Variants in SHISA9 observed in about 807,000 individuals in gnomAD.
SHISA9 encodes the protein protein shisa-9.
SHISA9 carries 13 observed loss-of-function variants against 38.0 expected under a neutral mutation model. That is an observed-to-expected ratio of 0.34 (90% CI 0.22 to 0.54). SHISA9 has a LOEUF of 0.54. Ranked by LOEUF, SHISA9 falls within the 20% of genes least tolerant of loss-of-function variation. The pLI is 0.91. For missense variants in SHISA9, 538 were observed against 575.8 expected, an observed-to-expected ratio of 0.93 and a Z score of 0.67; for synonymous variants, 275 against 242.0, an observed-to-expected ratio of 1.14 and a Z score of -1.27.
At chr16:12,998,363 C>T (rs4781375) in intron 2 of SHISA9, among the ~76,000 whole-genome samples, 38,172 of 152,114 alleles carry the variant, frequency 0.25, 5,019 homozygotes, top group Middle Eastern at 0.34. Context: ...GTGTTCTTGG[C>T]TGGTAAACAG....
intron 2 of SHISA9, among the ~76,000 whole-genome samples, chr16:12,942,938 C>G (rs1052094817): frequency 2.0e-5 from 3 of 152,094 alleles, no homozygotes; most frequent in Admixed American, 2.0e-4. Flanking sequence ...ATGGCTCTAT[C>G]TCTAGATTTT....
At chr16:13,221,650 C>A (rs2051227175) in intron 4 of SHISA9, among the ~76,000 whole-genome samples, 1 of 152,134 alleles carries the variant, frequency 6.6e-6, no homozygotes, top group Non-Finnish European at 1.5e-5. Context: ...ACCTATCATA[C>A]AATTCACCCA....
chr16:13,045,758 CCCA>C (rs2073180584), intron 2 of SHISA9, among the ~76,000 whole-genome samples: 1 of 90,734 alleles, frequency 1.1e-5, no homozygotes, highest in Non-Finnish European at 2.8e-5. Flanking sequence ...GTCCCCTGCC[CCCA>C]CTGTGTCCCC....
At chr16:13,445,238 T>C in the SHISA9 span, among the ~76,000 whole-genome samples, 2 of 152,056 alleles carry the variant, frequency 1.3e-5, no homozygotes, top group African/African-American at 4.8e-5. Context: ...TATAAGTTTG[T>C]CAAGGCACCC....
chr16:13,260,008 T>TC, the SHISA9 span, among the ~76,000 whole-genome samples: 3 of 34,348 alleles, frequency 8.7e-5, no homozygotes, highest in Non-Finnish European at 1.3e-4. Flanking sequence ...TCTTTCTTTC[T>TC]TTTTTTTTTT....
chr16:13,281,341 G>A, the SHISA9 span, among the ~76,000 whole-genome samples: 1 of 151,612 alleles, frequency 6.6e-6, no homozygotes, highest in South Asian at 2.1e-4. Flanking sequence ...CTGCTTTCTT[G>A]TGCTTACTGT....
the SHISA9 span, among the ~76,000 whole-genome samples, chr16:13,490,727 C>T: frequency 6.6e-6 from 1 of 152,172 alleles, no homozygotes; most frequent in Admixed American, 6.5e-5. Flanking sequence ...TGTTCTGTGT[C>T]TTCTTCCCTT....
rs1377290412 is a variant in SHISA9, at chr16:13,141,598, C to T, written c.692-61796C>T. On this transcript the variant is annotated intron_variant, in intron 2 of 4. Transcript: ENST00000558583. ...ACTGGAGAGGCTGAGTCACGAGAATCGCTGAACCCAAGAGGTGGAGGTTGC... is the reference window on the plus strand; with the variant it reads ...ACTGGAGAGGCTGAGTCACGAGAATTGCTGAACCCAAGAGGTGGAGGTTGC... Among the ~76,000 whole-genome samples the T allele has an allele frequency of 5.3e-5, 8 of 151,944 alleles. 1 individual carries two copies. Among genetic ancestry groups the T allele is most frequent in the South Asian group, 4.1e-4 (2 of 4,824 alleles).
At chr16:13,542,288 C>G in the SHISA9 span, among the ~76,000 whole-genome samples, 2 of 152,186 alleles carry the variant, frequency 1.3e-5, no homozygotes, top group African/African-American at 4.8e-5. Context: ...TCATTTATCA[C>G]AGCAGTCCCA....
intron 2 of SHISA9, among the ~76,000 whole-genome samples, chr16:13,075,025 G>A (rs2073564819): frequency 6.6e-6 from 1 of 152,136 alleles, no homozygotes; most frequent in Admixed American, 6.5e-5. Flanking sequence ...AGAACAAAGT[G>A]AACCAGTTTA....
intron 2 of SHISA9, among the ~76,000 whole-genome samples, chr16:13,029,513 G>A (rs1355829921): frequency 2.0e-5 from 3 of 152,224 alleles, no homozygotes; most frequent in African/African-American, 7.2e-5. Flanking sequence ...GGAGGCTAAG[G>A]AGGGAGGATC....
At chr16:13,450,745 G>A in the SHISA9 span, among the ~76,000 whole-genome samples, 2 of 152,166 alleles carry the variant, frequency 1.3e-5, no homozygotes, top group Non-Finnish European at 2.9e-5. Flanking sequence ...AGCCAGCTCT[G>A]TCTGAGCTCA....
chr16:12,923,482 C>A (rs1004989507), intron 2 of SHISA9, among the ~76,000 whole-genome samples: 10 of 151,922 alleles, frequency 6.6e-5, no homozygotes, highest in Admixed American at 5.9e-4. Flanking sequence ...GAGCTGAGAT[C>A]ATGCCACTGC....
chr16:13,036,748 G>GAA (rs34283726), intron 2 of SHISA9, among the ~76,000 whole-genome samples: 7,619 of 145,286 alleles, frequency 0.052, 284 homozygotes, highest in Middle Eastern at 0.094. Flanking sequence ...TTCAGAGGAG[G>GAA]AAAAAAAAAA....
At chr16:13,543,617 C>T in the SHISA9 span, among the ~76,000 whole-genome samples, 1 of 152,110 alleles carries the variant, frequency 6.6e-6, no homozygotes, top group Non-Finnish European at 1.5e-5. Flanking sequence ...CTGTTTCCAC[C>T]AGTGATGCTC....
At chr16:13,496,254 A>G in the SHISA9 span, among the ~76,000 whole-genome samples, 19 of 152,142 alleles carry the variant, frequency 1.2e-4, no homozygotes, top group African/African-American at 4.6e-4. Context: ...CATAACATCA[A>G]GTTTTGAGAA....
chr16:13,215,589 C>G (rs1227318841), intron 4 of SHISA9, among the ~76,000 whole-genome samples: 1 of 152,164 alleles, frequency 6.6e-6, no homozygotes, highest in Non-Finnish European at 1.5e-5. Context: ...GCCTGCATTT[C>G]TGTCCTTATA....
intron 2 of SHISA9, among the ~76,000 whole-genome samples, chr16:13,142,904 A>G (rs1407792098): frequency 1.3e-5 from 2 of 152,038 alleles, no homozygotes; most frequent in Non-Finnish European, 2.9e-5. Context: ...TTTTTTATAT[A>G]TTTAATGGGA....
rs1356190872 is a variant in SHISA9, at chr16:13,021,755, CT to C, written c.691+104941del. On this transcript the variant is annotated intron_variant, in intron 2 of 4. Transcript: ENST00000558583. ...CTTTTCTGAGTTTCTAGAATACCCC[CT>C]GTGTCATTTATTATAACACTTATGA... 3.9e-5 allele frequency among the ~76,000 whole-genome samples: 6 copies of C among 152,164 alleles called. No individual in the cohort carries two copies. In the East Asian group the frequency reaches 9.6e-4, roughly 24 times the overall value.
Sources: allele counts gnomAD v4.1 joint callset (sites outside exome capture counted in the v4.1 genomes callset), GRCh38; gene constraint gnomAD v4.1.1; transcripts MANE v1.5; gene names NCBI Gene and HGNC (gene_info 2026-07-23, HGNC 2026-07-21).